Variants in GRIA1 observed in about 807,000 individuals in gnomAD.
GRIA1 encodes the protein glutamate receptor 1.
Under a neutral mutation model 99.2 loss-of-function variants are expected in GRIA1, and 31 were observed. The ratio of observed to expected loss-of-function variants is 0.31; its 90% CI spans 0.23 to 0.42. The LOEUF is 0.42. Among genes scored for constraint, GRIA1 ranks in the 10% least tolerant of loss-of-function variants. The pLI is 1.00. For missense variants in GRIA1, 782 were observed against 1,157.5 expected, an observed-to-expected ratio of 0.68 and a Z score of 4.71; for synonymous variants, 438 against 432.4, an observed-to-expected ratio of 1.01 and a Z score of -0.16.
intron 15 of GRIA1, among the ~76,000 whole-genome samples, chr5:153,802,901 A>G (rs772637768): frequency 5.9e-5 from 9 of 152,178 alleles, no homozygotes; most frequent in Non-Finnish European, 1.2e-4. Context: ...TACCTGGTGA[A>G]TTGGGTCTTT....
rs958843138 is a variant in GRIA1 at position 153,490,787 on chromosome 5, G to A, written c.-102G>A. On this transcript the variant is annotated 5_prime_UTR_variant, in exon 1 of 16. Coordinates refer to ENST00000285900, the MANE Select transcript of GRIA1 (RefSeq NM_000827.4). Reference sequence around the variant, plus strand: ...GCAAGCAAGGAAGGAACTGCAGGAGGAAAAGAACAGGCAGAACAGCGAGAA... The same window carrying A: ...GCAAGCAAGGAAGGAACTGCAGGAGAAAAAGAACAGGCAGAACAGCGAGAA... 3 of 883,852 alleles carry A rather than the reference G, an allele frequency of 3.4e-6. No individual in the cohort carries two copies. The highest frequency in any genetic ancestry group is 2.2e-4 in the Middle Eastern group (1 of 4,646). 54.8% of individuals were successfully genotyped at this position (883,852 alleles called of 1,614,324 possible). A position where few individuals can be genotyped will look rare whatever the true frequency, so the allele number is the denominator to read the frequency against.
In GRIA1 at chr5:153,790,198, A is replaced by T. The variant is rs138653473; in HGVS notation, c.2271-4423A>T. Among the ~76,000 whole-genome samples the T allele has an allele frequency of 3.6e-3, 547 of 152,332 alleles. 2 individuals are homozygous for T. Among genetic ancestry groups the T allele is most frequent in the African/African-American group, 0.012 (508 of 41,576 alleles). ...AGGCTAATGCATTTGGAAGAAGTTT[A>T]TAACAAAAGGAACACTCACTTGCCT... On this transcript the variant is annotated intron_variant, in intron 13 of 15. Coordinates refer to ENST00000285900, the MANE Select transcript of GRIA1 (RefSeq NM_000827.4).
intron 1 of GRIA1, chr5:153,492,161 G>T (rs3828595): frequency 0.2 from 295,405 of 1,491,502 alleles, 31,175 homozygotes; most frequent in Non-Finnish European, 0.22. Flanking sequence ...GTGTGTTTGA[G>T]GGGGGATGTG....
intron 2 of GRIA1, among the ~76,000 whole-genome samples, chr5:153,617,228 C>T (rs576243714): frequency 3.9e-5 from 6 of 152,266 alleles, no homozygotes; most frequent in African/African-American, 1.2e-4. Flanking sequence ...TTAGTGAGTT[C>T]GTGATATCAT....
rs141405457 is a variant in GRIA1 at position 153,763,094 on chromosome 5, C to A, written c.1824-1340C>A. On this transcript the variant is annotated intron_variant, in intron 11 of 15. Transcript: ENST00000285900. ...CCCCTCCGTGTGAAACGCCTAGGAG[C>A]ATTCTTTTCCACATAGCAAGCAATG... is the stretch of plus-strand genomic sequence containing the variant. Among the ~76,000 whole-genome samples the A allele has an allele frequency of 2.0e-5, 3 of 152,300 alleles. No individual in the cohort carries two copies. The East Asian group carries it at 5.8e-4, about 29-fold the overall frequency.
At chr5:153,749,517 GGA>G (rs1232526209) in intron 11 of GRIA1, among the ~76,000 whole-genome samples, 12 of 152,116 alleles carry the variant, frequency 7.9e-5, no homozygotes, top group African/African-American at 2.9e-4. Context: ...CAGATCACAT[GGA>G]GAGAGAGGGA....
At chr5:153,764,761 G>T in intron 12 of GRIA1, 129 bp downstream of exon 12, 1 of 649,622 alleles carries the variant, frequency 1.5e-6, no homozygotes, top group Non-Finnish European at 2.7e-6. Context: ...TGTAAGTCAG[G>T]GAAACTCAGG....
intron 2 of GRIA1, among the ~76,000 whole-genome samples, chr5:153,560,897 T>A (rs552932709): frequency 6.6e-6 from 1 of 152,318 alleles, no homozygotes; most frequent in South Asian, 2.1e-4. Context: ...CCTACCTGTA[T>A]GGAAAGGACA....
rs949297756 is a variant in GRIA1, at chr5:153,760,918, A to C, written c.1824-3516A>C. On this transcript the variant is annotated intron_variant, in intron 11 of 15. Transcript: ENST00000285900. ...GATTTTCAACAAAGGTGTCAAAAACATGCAATGGGGAAGGGATAGTCTCTT... is the reference window on the plus strand; with the variant it reads ...GATTTTCAACAAAGGTGTCAAAAACCTGCAATGGGGAAGGGATAGTCTCTT... Among the ~76,000 whole-genome samples, 4 of 152,166 alleles carry C rather than the reference A, an allele frequency of 2.6e-5. No homozygotes were observed. The East Asian group carries it at 7.7e-4, about 29-fold the overall frequency.
intron 2 of GRIA1, among the ~76,000 whole-genome samples, chr5:153,565,385 C>G (rs1202731414): frequency 6.6e-6 from 1 of 152,144 alleles, no homozygotes; most frequent in Admixed American, 6.5e-5. Context: ...GCAATTGTCA[C>G]CTTTCCCAAA....
At chr5:153,524,724 A>T (rs1462001393) in intron 2 of GRIA1, among the ~76,000 whole-genome samples, 1 of 152,206 alleles carries the variant, frequency 6.6e-6, no homozygotes, top group Non-Finnish European at 1.5e-5. Context: ...CTTTGTACCC[A>T]GTGCCTTCTG....
At chr5:153,562,226 A>G (rs189252064) in intron 2 of GRIA1, among the ~76,000 whole-genome samples, 278 of 152,214 alleles carry the variant, frequency 1.8e-3, no homozygotes, top group Non-Finnish European at 3.0e-3. Flanking sequence ...GGGAAGTGTC[A>G]TGAGCAGAGC....
chr5:153,563,342 T>C (rs1452281494), intron 2 of GRIA1, among the ~76,000 whole-genome samples: 1 of 152,208 alleles, frequency 6.6e-6, no homozygotes, highest in Non-Finnish European at 1.5e-5. Context: ...TGTGAGATAA[T>C]GGAGCTTAGC....
intron 11 of GRIA1, among the ~76,000 whole-genome samples, chr5:153,713,427 A>G (rs1759462794): frequency 6.6e-6 from 1 of 152,190 alleles, no homozygotes; most frequent in South Asian, 2.1e-4. Context: ...ATCATGGGAG[A>G]TAGGGTGTGG....
chr5:153,810,017 T>C (rs1413909593), intron 15 of GRIA1, among the ~76,000 whole-genome samples: 1 of 152,134 alleles, frequency 6.6e-6, no homozygotes, highest in Non-Finnish European at 1.5e-5. Flanking sequence ...GACAGTAAAA[T>C]ATAAGAGTCT....
intron 2 of GRIA1, among the ~76,000 whole-genome samples, chr5:153,643,450 T>C (rs998141381): frequency 1.3e-5 from 2 of 152,224 alleles, no homozygotes; most frequent in Admixed American, 6.5e-5. Flanking sequence ...TTGTGACAGA[T>C]TCAAAGTAGA....
At chr5:153,695,301 A>G (rs34330754) in intron 8 of GRIA1, among the ~76,000 whole-genome samples, 14,326 of 152,230 alleles carry the variant, frequency 0.094, 825 homozygotes, top group Non-Finnish European at 0.12. Flanking sequence ...AGAAAACTTT[A>G]CATCATAATA....
intron 2 of GRIA1, among the ~76,000 whole-genome samples, chr5:153,590,554 T>TGTGTG: frequency 7.5e-6 from 1 of 133,276 alleles, no homozygotes; most frequent in Non-Finnish European, 1.7e-5. Flanking sequence ...GTGTGTGTGT[T>TGTGTG]ACAATATATG....
chr5:153,669,447 A>T (rs1467550235), intron 5 of GRIA1, among the ~76,000 whole-genome samples: 3 of 152,170 alleles, frequency 2.0e-5, no homozygotes. Context: ...CCAGGAGATA[A>T]AAAATTAAGC....
Sources: allele counts gnomAD v4.1 joint callset (sites outside exome capture counted in the v4.1 genomes callset), GRCh38; gene constraint gnomAD v4.1.1; transcripts MANE v1.5; gene names NCBI Gene and HGNC (gene_info 2026-07-23, HGNC 2026-07-21).